The following TTC3 variants were observed in gnomAD, a reference collection of about 807,000 sequenced individuals.
TTC3 encodes the protein tetratricopeptide repeat domain 3.
TTC3 carries 180 observed loss-of-function variants against 249.6 expected under a neutral mutation model. The observed-to-expected ratio is 0.72, with a 90% CI of 0.64 to 0.82. The LOEUF (loss-of-function observed/expected upper bound fraction) is 0.82. Among genes scored for constraint, TTC3 ranks in the 40% least tolerant of loss-of-function variants. The pLI, the probability that TTC3 is intolerant of heterozygous loss-of-function variation, is 0.00. For synonymous variants in TTC3, 717 were observed against 805.0 expected (o/e 0.89, Z 1.85); for missense variants, 2,061 against 2,398.4 (o/e 0.86, Z 2.94).
At chr21:37,111,427 A>G (rs546513367) in intron 11 of TTC3, among the ~76,000 whole-genome samples, 38 of 152,332 alleles carry the variant, frequency 2.5e-4, no homozygotes, top group African/African-American at 8.7e-4. Flanking sequence ...AACAGACTTT[A>G]AACCAACAAA....
chr21:37,156,131 G>A (rs1357471999), intron 27 of TTC3, among the ~76,000 whole-genome samples: 1 of 151,718 alleles, frequency 6.6e-6, no homozygotes, highest in Non-Finnish European at 1.5e-5. Flanking sequence ...TGAAGTCCTG[G>A]GCTCAAGCAG....
At chr21:37,140,849 C>A (rs1231500076) in intron 20 of TTC3, among the ~76,000 whole-genome samples, 176 bp downstream of exon 20, 2 of 152,044 alleles carry the variant, frequency 1.3e-5, no homozygotes. Flanking sequence ...TAAAGCAAGG[C>A]CAGTCATTGC....
intron 35 of TTC3, among the ~76,000 whole-genome samples, chr21:37,175,019 G>T (rs2082116402): frequency 6.6e-6 from 1 of 151,530 alleles, no homozygotes; most frequent in South Asian, 2.1e-4. Flanking sequence ...ACTTTGGGAG[G>T]CCAAGGTGGG....
intron 2 of TTC3, 93 bp from the exon 3 acceptor site, chr21:37,087,740 A>G (rs1449232727): frequency 5.0e-6 from 5 of 998,808 alleles, no homozygotes; most frequent in East Asian, 2.5e-5. Flanking sequence ...ATAAATGCCC[A>G]CTGAAAGTTC....
In TTC3 at chr21:37,124,918, G is replaced by A. The variant is rs575781933; in HGVS notation, c.1233+176G>A. Among the ~76,000 whole-genome samples, 28 of 152,144 alleles carry A rather than the reference G, an allele frequency of 1.8e-4. No homozygotes were observed. In the South Asian group the frequency reaches 3.9e-3, roughly 21 times the overall value. On this transcript the variant is annotated intron_variant, in intron 14 of 45. Transcript: ENST00000355666. Reference sequence around the variant, plus strand: ...TAATCTGAGTATCTCATATAACTACGTAAATAATATTTGAAAGTCACAGAA... The same window carrying A: ...TAATCTGAGTATCTCATATAACTACATAAATAATATTTGAAAGTCACAGAA...
intron 10 of TTC3, chr21:37,100,796 G>A (rs1310596868): frequency 6.6e-6 from 1 of 152,228 alleles, no homozygotes; most frequent in Non-Finnish European, 1.5e-5. Context: ...AAGATGAGAT[G>A]TCCGTTTTAT....
chr21:37,195,915 C>T, exon 42 of TTC3: 2 of 1,614,242 alleles, frequency 1.2e-6, no homozygotes, highest in Non-Finnish European at 1.7e-6. Context: ...AGAACGAAGC[C>T]CTGTGGCTGA....
intron 11 of TTC3, among the ~76,000 whole-genome samples, chr21:37,119,646 T>TA (rs2076428564): frequency 1.3e-5 from 2 of 152,334 alleles, no homozygotes; most frequent in South Asian, 4.1e-4. Flanking sequence ...TGCTCTGGCT[T>TA]AGAGACATTC....
exon 46 of TTC3, chr21:37,202,893 C>A (rs1384966227): frequency 6.6e-6 from 1 of 152,186 alleles, no homozygotes; most frequent in Non-Finnish European, 1.5e-5. Flanking sequence ...GAAACAGATT[C>A]TCCACGGTGG....
chr21:37,170,426 T>C (rs548017698), intron 34 of TTC3, among the ~76,000 whole-genome samples: 7 of 152,310 alleles, frequency 4.6e-5, no homozygotes, highest in Admixed American at 3.9e-4. Flanking sequence ...TTTTGAAAGA[T>C]AGTGAAACTG....
intron 9 of TTC3, among the ~76,000 whole-genome samples, chr21:37,096,049 G>C (rs1298218543): frequency 6.6e-6 from 1 of 152,190 alleles, no homozygotes; most frequent in Non-Finnish European, 1.5e-5. Context: ...AGGGAATGAG[G>C]GAATCCGGTT....
intron 11 of TTC3, among the ~76,000 whole-genome samples, chr21:37,112,396 G>C (rs1004884316): frequency 6.6e-6 from 1 of 152,192 alleles, no homozygotes; most frequent in Admixed American, 6.5e-5. Context: ...ACTACCATCA[G>C]AGAATACTGT....
At chr21:37,193,620 C>G (rs1458928577) in intron 41 of TTC3, among the ~76,000 whole-genome samples, 1 of 152,136 alleles carries the variant, frequency 6.6e-6, no homozygotes, top group East Asian at 1.9e-4. Context: ...AAAGGATTTT[C>G]ATATCCTAAA....
intron 11 of TTC3, among the ~76,000 whole-genome samples, chr21:37,110,617 A>C (rs2075569996): frequency 6.6e-6 from 1 of 152,218 alleles, no homozygotes; most frequent in Non-Finnish European, 1.5e-5. Context: ...AATGGAACCA[A>C]GTTGGAAATA....
chr21:37,167,875 TTTTA>T (rs1280832613), intron 34 of TTC3, among the ~76,000 whole-genome samples: 1 of 151,758 alleles, frequency 6.6e-6, no homozygotes, highest in Non-Finnish European at 1.5e-5. Flanking sequence ...ATTTTTAAAA[TTTTA>T]TTTATTTTTA....
Position 37,096,691 on chromosome 21 carries a change from C to A in TTC3, c.845+48C>A, listed in dbSNP as rs373285519. 2.3e-5 allele frequency: 33 copies of A among 1,419,474 alleles called. No homozygotes were observed. The African/African-American group carries it at 3.9e-4, about 17-fold the overall frequency. 87.9% of individuals were successfully genotyped at this position (1,419,474 alleles called of 1,614,324 possible). A position where few individuals can be genotyped will look rare whatever the true frequency, so the allele number is the denominator to read the frequency against. ...ACCACTGAATTATTATGCTAAATAC[C>A]CATTTTTGGGAAACGTTTCTGTTTT... On this transcript the variant is annotated intron_variant, in intron 10 of 45. Coordinates refer to ENST00000355666, the Ensembl canonical transcript of TTC3.
At chr21:37,090,096 G>A in intron 5 of TTC3, 137 bp from the exon 6 acceptor site, 1 of 547,254 alleles carries the variant, frequency 1.8e-6, no homozygotes, top group Non-Finnish European at 3.1e-6. Context: ...GGGTAACTTG[G>A]TCATGTAAAT....
intron 26 of TTC3, among the ~76,000 whole-genome samples, chr21:37,152,652 A>G (rs2079592769): frequency 6.6e-6 from 1 of 152,118 alleles, no homozygotes; most frequent in South Asian, 2.1e-4. Flanking sequence ...TGCTGGGATT[A>G]CAGGCATGAG....
Position 37,148,402 on chromosome 21 carries a change from T to A in TTC3, c.2017-144T>A, listed in dbSNP as rs973233335. 25 of 445,954 alleles carry A rather than the reference T, an allele frequency of 5.6e-5. No homozygotes were observed. The South Asian group carries it at 8.2e-4, about 15-fold the overall frequency. 27.6% of individuals were successfully genotyped at this position (445,954 alleles called of 1,614,324 possible). A position where few individuals can be genotyped will look rare whatever the true frequency, so the allele number is the denominator to read the frequency against. ...GATGAAATAATGTTTATAAAATATT[T>A]GATATATTTTGAAGAATGATGCAAC... On this transcript the variant is annotated intron_variant, in intron 22 of 45. Transcript: ENST00000355666.
Sources: gnomAD v4.1 joint callset for allele counts (sites outside exome capture counted in the v4.1 genomes callset) on GRCh38, gnomAD v4.1.1 for gene constraint, MANE v1.5 for transcripts, NCBI Gene and HGNC (gene_info 2026-07-23, HGNC 2026-07-21) for gene names.